Variants in BCL2L13 observed in about 807,000 individuals in gnomAD.
BCL2L13 encodes BCL2 like 13.
Under a neutral mutation model 25.8 loss-of-function variants are expected in BCL2L13, and 13 were observed. That is an observed-to-expected ratio of 0.50 (90% CI 0.33 to 0.80). BCL2L13 has a LOEUF of 0.80. BCL2L13 is among the 30% of genes least tolerant of loss of function. The pLI is 0.02. For synonymous variants in BCL2L13, 244 were observed against 230.3 expected (o/e 1.06, Z -0.54); for missense variants, 504 against 574.9 (o/e 0.88, Z 1.26).
chr22:17,672,339 G>A lies in BCL2L13; in HGVS notation c.122-10875G>A, dbSNP rs959180167. Reference sequence around the variant, plus strand: ...TAGATTTCGAAAGTATTTTGCTCTGGGAGCTCTAGTCCATTCAACTTGGCT... The same window carrying A: ...TAGATTTCGAAAGTATTTTGCTCTGAGAGCTCTAGTCCATTCAACTTGGCT... On this transcript the variant is annotated intron_variant, in intron 2 of 6. Transcript: ENST00000317582. Among the ~76,000 whole-genome samples the A allele has an allele frequency of 2.0e-5, 3 of 152,218 alleles. No individual in the cohort carries two copies. The South Asian group carries it at 6.2e-4, about 32-fold the overall frequency.
chr22:17,698,270 A>G (rs1373624513), intron 5 of BCL2L13, among the ~76,000 whole-genome samples: 1 of 148,960 alleles, frequency 6.7e-6, no homozygotes, highest in Non-Finnish European at 1.5e-5. Context: ...GCCCACCACT[A>G]TGCCCAGCTA....
chr22:17,719,473 A>T (rs541254142), intron 6 of BCL2L13, among the ~76,000 whole-genome samples: 1 of 152,346 alleles, frequency 6.6e-6, no homozygotes, highest in African/African-American at 2.4e-5. Context: ...ATGGACATTT[A>T]TAACAACACT....
rs117796392 is a variant in BCL2L13 at position 17,671,632 on chromosome 22, G to T, written c.122-11582G>T. The stretch of plus-strand genomic sequence containing the variant: ...TTTGTAGAGACATTTGTTTCGCCAT[G>T]TTCCTCAGGCTGGTCTCAAACTTCT... On this transcript the variant is annotated intron_variant, in intron 2 of 6. Coordinates refer to ENST00000317582, the MANE Select transcript of BCL2L13 (RefSeq NM_015367.4). Among the ~76,000 whole-genome samples, 1,154 of 151,598 alleles carry T rather than the reference G, an allele frequency of 7.6e-3. 50 individuals are homozygous for T. The South Asian group carries it at 0.11, about 14-fold the overall frequency.
chr22:17,693,041 A>C (rs2060149170), intron 4 of BCL2L13, among the ~76,000 whole-genome samples: 1 of 152,136 alleles, frequency 6.6e-6, no homozygotes, highest in African/African-American at 2.4e-5. Context: ...ATGTGTCAGA[A>C]TCTTAACTTG....
At position 17,705,337 on chromosome 22, in the gene BCL2L13, G is replaced by T. The variant is rs576703953; in HGVS notation, c.600+2951G>T. ...TTTTCAGATGTAGTCTCCCTGTGTC[G>T]CCCAGGCTGGAATGCAGTGGCACTA... On this transcript the variant is annotated intron_variant, in intron 6 of 6. Coordinates refer to ENST00000317582, the MANE Select transcript of BCL2L13 (RefSeq NM_015367.4). Among the ~76,000 whole-genome samples the T allele has an allele frequency of 1.0e-4, 15 of 146,264 alleles. No individual in the cohort carries two copies. In the East Asian group the frequency reaches 1.8e-3, roughly 18 times the overall value.
At chr22:17,644,392 A>C (rs773560042) in intron 1 of BCL2L13, among the ~76,000 whole-genome samples, 4 of 147,014 alleles carry the variant, frequency 2.7e-5, no homozygotes, top group Non-Finnish European at 1.5e-5. Context: ...GTGCAGTGGC[A>C]CTATCTCGGC....
chr22:17,674,586 A>G (rs1000111639), intron 2 of BCL2L13, among the ~76,000 whole-genome samples: 6 of 138,366 alleles, frequency 4.3e-5, no homozygotes, highest in Non-Finnish European at 7.7e-5. Context: ...AGCCTGGGCA[A>G]CCGTGTGAGA....
At chr22:17,694,295 G>T (rs1329580538) in intron 4 of BCL2L13, among the ~76,000 whole-genome samples, 1 of 151,930 alleles carries the variant, frequency 6.6e-6, no homozygotes, top group East Asian at 1.9e-4. Flanking sequence ...TTAATGATTC[G>T]AGTTTTTGGT....
intron 4 of BCL2L13, among the ~76,000 whole-genome samples, chr22:17,692,989 A>G (rs1309595141): frequency 6.6e-6 from 1 of 152,072 alleles, no homozygotes; most frequent in Non-Finnish European, 1.5e-5. Context: ...CCACGTTTCT[A>G]ATGCTCATTA....
rs1448291819 is a variant in BCL2L13, at chr22:17,728,091, CGAT to C, written c.*560_*562del. 1.3e-5 allele frequency: 2 copies of C among 157,254 alleles called. No individual in the cohort carries two copies. The highest frequency in any genetic ancestry group is 2.8e-5 in the Non-Finnish European group (2 of 71,108). The allele number at this position is 157,254 out of a possible 1,614,324, so 9.7% of individuals were successfully genotyped here. A position where few individuals can be genotyped will look rare whatever the true frequency, so the allele number is the denominator to read the frequency against. ...AATCCCCTTAGAATTTCATCTTTCTCGATGAGCAGGCTCTGCACCCACTCTTTT... is the reference window on the plus strand; with the variant it reads ...AATCCCCTTAGAATTTCATCTTTCTCGAGCAGGCTCTGCACCCACTCTTTT... On this transcript the variant is annotated 3_prime_UTR_variant, in exon 7 of 7. Transcript: ENST00000317582.
chr22:17,640,178 C>T (rs1263398630), intron 1 of BCL2L13, among the ~76,000 whole-genome samples: 3 of 152,012 alleles, frequency 2.0e-5, no homozygotes, highest in Non-Finnish European at 2.9e-5. Flanking sequence ...ACCACCCCCG[C>T]GCCACCGCAT....
At chr22:17,697,329 T>C (rs1206045814) in intron 5 of BCL2L13, among the ~76,000 whole-genome samples, 1 of 152,020 alleles carries the variant, frequency 6.6e-6, no homozygotes, top group Non-Finnish European at 1.5e-5. Flanking sequence ...TCTCAGCTAC[T>C]CAGGAGGCTG....
At chr22:17,721,383 T>C (rs958647194) in intron 6 of BCL2L13, among the ~76,000 whole-genome samples, 2 of 152,108 alleles carry the variant, frequency 1.3e-5, no homozygotes, top group African/African-American at 4.8e-5. Flanking sequence ...TATTTTTTAA[T>C]TTAAAAAATT....
intron 6 of BCL2L13, among the ~76,000 whole-genome samples, chr22:17,707,243 T>C (rs1000655867): frequency 6.6e-6 from 1 of 152,200 alleles, no homozygotes; most frequent in Non-Finnish European, 1.5e-5. Context: ...GAAATGTGTT[T>C]TTTGTGGATC....
chr22:17,693,912 AT>A (rs1271388974), intron 4 of BCL2L13, among the ~76,000 whole-genome samples: 1 of 148,812 alleles, frequency 6.7e-6, no homozygotes, highest in African/African-American at 2.5e-5. Flanking sequence ...TAATTTTTGT[AT>A]TTTTTTTTCT....
intron 6 of BCL2L13, among the ~76,000 whole-genome samples, chr22:17,713,795 A>C (rs906853516): frequency 6.6e-6 from 1 of 151,896 alleles, no homozygotes; most frequent in Non-Finnish European, 1.5e-5. Context: ...ACCCATGGTA[A>C]AGTCAAAATA....
At chr22:17,663,866 T>G (rs1400324705) in intron 2 of BCL2L13, among the ~76,000 whole-genome samples, 1 of 148,868 alleles carries the variant, frequency 6.7e-6, no homozygotes, top group Non-Finnish European at 1.5e-5. Flanking sequence ...TTTTTTTTTT[T>G]GAGATGGAGT....
At chr22:17,643,667 G>A (rs1166396487) in intron 1 of BCL2L13, among the ~76,000 whole-genome samples, 6 of 151,982 alleles carry the variant, frequency 3.9e-5, no homozygotes, top group East Asian at 1.9e-4. Context: ...TCACTCTGTC[G>A]CCCAGACTGG....
rs556928028 is a variant in BCL2L13 at position 17,709,801 on chromosome 22, G to A, written c.600+7415G>A. On this transcript the variant is annotated intron_variant, in intron 6 of 6. Coordinates refer to ENST00000317582, the MANE Select transcript of BCL2L13 (RefSeq NM_015367.4). ...AAACAAAAGAAAACATTGACCGGGT[G>A]CAGTGGCTCACTCCTGTAATCCCAG... Among the ~76,000 whole-genome samples the A allele has an allele frequency of 2.6e-5, 4 of 151,902 alleles. No individual in the cohort carries two copies. In the South Asian group the frequency reaches 8.3e-4, roughly 32 times the overall value.
Sources: allele counts gnomAD v4.1 joint callset (sites outside exome capture counted in the v4.1 genomes callset), GRCh38; gene constraint gnomAD v4.1.1; transcripts MANE v1.5; gene names NCBI Gene and HGNC (gene_info 2026-07-23, HGNC 2026-07-21).